BARHL2: variants seen among roughly 807,000 people sequenced by gnomAD.
BARHL2 encodes the protein barH-like 2 homeobox protein.
BARHL2 carries 10 observed loss-of-function variants against 27.1 expected under a neutral mutation model. That is an observed-to-expected ratio of 0.37 (90% CI 0.23 to 0.63). The LOEUF is 0.63. Ranked by LOEUF, BARHL2 falls within the 20% of genes least tolerant of loss-of-function variation. The pLI is 0.65. For synonymous variants in BARHL2, 248 were observed against 224.7 expected (o/e 1.10, Z -0.93); for missense variants, 483 against 533.5 (o/e 0.91, Z 0.93).
In BARHL2 at chr1:90,712,162, C is replaced by T; in HGVS notation, c.*150G>A. On this transcript the variant is annotated 3_prime_UTR_variant, in exon 3 of 3. Coordinates refer to ENST00000370445, the MANE Select transcript of BARHL2 (RefSeq NM_020063.2). ...GGCTCCTCTTTGGGGGTCCCCTGCC[C>T]ACTGGTAAGCATCTTCCTCTCTTAC... The T allele has an allele frequency of 8.4e-6, 7 of 833,662 alleles. No individual in the cohort carries two copies. The highest frequency in any genetic ancestry group is 1.2e-5 in the Non-Finnish European group (7 of 589,092). The allele number at this position is 833,662 out of a possible 1,614,324, so 51.6% of individuals were successfully genotyped here. A position where few individuals can be genotyped will look rare whatever the true frequency, so the allele number is the denominator to read the frequency against.
chr1:90,712,682 G>C (rs1161135822), intron 2 of BARHL2, 58 bp from the exon 3 acceptor site: 1 of 1,494,162 alleles, frequency 6.7e-7, no homozygotes, highest in Non-Finnish European at 9.0e-7. Context: ...CAGGCACCAA[G>C]ACCCGGCCCC....
Position 90,712,240 on chromosome 1 carries a change from G to T in BARHL2, c.*72C>A, listed in dbSNP as rs1406140076. 1 of 1,388,990 alleles carries T rather than the reference G, an allele frequency of 7.2e-7. No individual in the cohort carries two copies. The highest frequency in any genetic ancestry group is 2.6e-5 in the East Asian group (1 of 39,110). 86.0% of individuals were successfully genotyped at this position (1,388,990 alleles called of 1,614,324 possible). A position where few individuals can be genotyped will look rare whatever the true frequency, so the allele number is the denominator to read the frequency against. On this transcript the variant is annotated 3_prime_UTR_variant, in exon 3 of 3. Coordinates refer to ENST00000370445, the MANE Select transcript of BARHL2 (RefSeq NM_020063.2). ...GGGAGGCCTAGTGGCCTGGAGCAGG[G>T]AGAGGACGGGCAGCAGTCCGGGTTG...
rs1448551740 is a variant in BARHL2, at chr1:90,712,412, G to C, written c.1064C>G (p.Pro355Arg). The C allele has an allele frequency of 6.2e-7, 1 of 1,605,568 alleles. No homozygotes were observed. Among genetic ancestry groups the C allele is most frequent in the Non-Finnish European group, 8.5e-7 (1 of 1,175,600 alleles). The change falls in exon 3 of 3, where the codon CCC becomes CGC. Residue 355 changes from proline (P) to arginine (R), a missense_variant. Pro to Arg is a moderately radical substitution (Grantham distance 103, BLOSUM62 -2). Around this residue, in one of 3 missense-constraint regions of BARHL2, gnomAD observed 130 missense variants for 138.0 expected, o/e 0.94. Transcript: ENST00000370445. ...PPAPHPQLQRPLVPRVLIHGL... is the reference protein window; with the variant it reads ...PPAPHPQLQRRLVPRVLIHGL... ...GTGGATGAGCACACGGGGCACCAGG[G>C]GCCGCTGCAGCTGGGGATGGGGTGC...
chr1:90,714,346 C>G (rs758992316), intron 2 of BARHL2, among the ~76,000 whole-genome samples, 185 bp downstream of exon 2: 14 of 152,218 alleles, frequency 9.2e-5, no homozygotes, highest in Admixed American at 2.6e-4. Flanking sequence ...ATTCCAGCTG[C>G]CCTTTGGTCT....
intron 2 of BARHL2, among the ~76,000 whole-genome samples, chr1:90,713,939 G>T (rs941372974): frequency 6.6e-6 from 1 of 152,226 alleles, no homozygotes; most frequent in Non-Finnish European, 1.5e-5. Flanking sequence ...GCCAGCCGCC[G>T]ATTCTCCAGG....
chr1:90,712,753 C>T (rs1490250019), intron 2 of BARHL2, 129 bp from the exon 3 acceptor site: 2 of 948,434 alleles, frequency 2.1e-6, no homozygotes, highest in Non-Finnish European at 3.1e-6. Context: ...GACTCAGAGA[C>T]CTCTTCAAAC....
chr1:90,712,217 G>T lies in BARHL2; in HGVS notation c.*95C>A, dbSNP rs1658046271. On this transcript the variant is annotated 3_prime_UTR_variant, in exon 3 of 3. Coordinates refer to ENST00000370445, the MANE Select transcript of BARHL2 (RefSeq NM_020063.2). Reference sequence around the variant, plus strand: ...CTGCCTTCCAGAGTTGGCTGCAAGGGAGGCCTAGTGGCCTGGAGCAGGGAG... The same window carrying T: ...CTGCCTTCCAGAGTTGGCTGCAAGGTAGGCCTAGTGGCCTGGAGCAGGGAG... 2 of 1,280,438 alleles carry T rather than the reference G, an allele frequency of 1.6e-6. No homozygotes were observed. The highest frequency in any genetic ancestry group is 2.1e-6 in the Non-Finnish European group (2 of 972,582). The allele number at this position is 1,280,438 out of a possible 1,614,324, so 79.3% of individuals were successfully genotyped here. A position where few individuals can be genotyped will look rare whatever the true frequency, so the allele number is the denominator to read the frequency against.
At chr1:90,713,938 C>T (rs374465956) in intron 2 of BARHL2, among the ~76,000 whole-genome samples, 5 of 152,340 alleles carry the variant, frequency 3.3e-5, no homozygotes, top group South Asian at 2.1e-4. Flanking sequence ...GGCCAGCCGC[C>T]GATTCTCCAG....
chr1:90,712,258 C>A lies in BARHL2; in HGVS notation c.*54G>T, dbSNP rs1658047538. 2.1e-6 allele frequency: 3 copies of A among 1,412,210 alleles called. No homozygotes were observed. The African/African-American group carries it at 4.3e-5, about 20-fold the overall frequency. The allele number at this position is 1,412,210 out of a possible 1,614,324, so 87.5% of individuals were successfully genotyped here. On this transcript the variant is annotated 3_prime_UTR_variant, in exon 3 of 3. Transcript: ENST00000370445. ...GAGCAGGGAGAGGACGGGCAGCAGT[C>A]CGGGTTGGGCAGGGATATGGGGAAG...
chr1:90,712,747 C>T, intron 2 of BARHL2, 123 bp from the exon 3 acceptor site: 8 of 1,020,150 alleles, frequency 7.8e-6, no homozygotes, highest in Non-Finnish European at 1.1e-5. Context: ...CAGGAAGACT[C>T]AGAGACCTCT....
chr1:90,717,056 G>A lies in BARHL2; in HGVS notation c.140C>T (p.Ala47Val), dbSNP rs953110522. The change falls in exon 1 of 3, where the codon GCC becomes GTC. Residue 47 changes from alanine (A) to valine (V), a missense_variant. Around this residue, in one of 3 missense-constraint regions of BARHL2, gnomAD observed 304 missense variants for 284.9 expected, o/e 1.07. Transcript: ENST00000370445. Reference sequence around the variant, plus strand: ...AATCTCCGAACAGGGAGATGGGGTGGCCTGACTCCTAAAATCCGCGGTCCT... The same window carrying A: ...AATCTCCGAACAGGGAGATGGGGTGACCTGACTCCTAAAATCCGCGGTCCT... ...EARTADFRSQ[A>V]TPSPCSEIDT... 1 of 1,613,980 alleles carries A rather than the reference G, an allele frequency of 6.2e-7. No homozygotes were observed. The highest frequency in any genetic ancestry group is 1.1e-5 in the South Asian group (1 of 91,044).
At chr1:90,714,414 A>T in intron 2 of BARHL2, 117 bp downstream of exon 2, 1 of 1,000,752 alleles carries the variant, frequency 1.0e-6, no homozygotes, top group Non-Finnish European at 1.5e-6. Context: ...CCAAGTGCCC[A>T]CTCCAGGGTC....
Position 90,712,641 on chromosome 1 carries a change from G to T in BARHL2, c.852-17C>A. 1 of 1,586,730 alleles carries T rather than the reference G, an allele frequency of 6.3e-7. No individual in the cohort carries two copies. Among genetic ancestry groups the T allele is most frequent in the Non-Finnish European group, 8.6e-7 (1 of 1,163,558 alleles). ...CACTTGGTCCTGAAAGAAAGCGGGT[G>T]TGCAGGCACCCAGCAGCTGTGGGCA... On this transcript the variant is annotated splice_polypyrimidine_tract_variant and intron_variant, in intron 2 of 2. Coordinates refer to ENST00000370445, the MANE Select transcript of BARHL2 (RefSeq NM_020063.2).
chr1:90,716,477 C>T, intron 1 of BARHL2, 94 bp downstream of exon 1: 1 of 1,351,976 alleles, frequency 7.4e-7, no homozygotes, highest in Non-Finnish European at 1.1e-6. Context: ...CTCCTGGAAT[C>T]GCTCCCCAGC....
In BARHL2 at chr1:90,714,765, G is replaced by A; in HGVS notation, c.626-9C>T. 6.2e-7 allele frequency: 1 copy of A among 1,613,720 alleles called. No individual in the cohort carries two copies. Among genetic ancestry groups the A allele is most frequent in the Non-Finnish European group, 8.5e-7 (1 of 1,179,648 alleles). On this transcript the variant is annotated splice_polypyrimidine_tract_variant and intron_variant, in intron 1 of 2. Coordinates refer to ENST00000370445, the MANE Select transcript of BARHL2 (RefSeq NM_020063.2). ...TCCTTCCTCCTTTGTCCCTACCATA[G>A]AAACCCAGCCACGGTGGTAAGTTAG...
At position 90,714,086 on chromosome 1, in the gene BARHL2, A is replaced by G. The variant is rs542294146; in HGVS notation, c.851+445T>C. On this transcript the variant is annotated intron_variant, in intron 2 of 2. Transcript: ENST00000370445. ...ACATTTACGCCGAGGCTGGTGGGACAGCTCTGTGGGAATAGCAATAGCTGG... is the reference window on the plus strand; with the variant it reads ...ACATTTACGCCGAGGCTGGTGGGACGGCTCTGTGGGAATAGCAATAGCTGG... 3.3e-5 allele frequency among the ~76,000 whole-genome samples: 5 copies of G among 152,354 alleles called. No homozygotes were observed. The East Asian group carries it at 9.6e-4, about 29-fold the overall frequency.
In BARHL2 at chr1:90,712,091, T is replaced by C. The variant is rs977645588; in HGVS notation, c.*221A>G. The C allele has an allele frequency of 9.3e-6, 4 of 430,900 alleles. No individual in the cohort carries two copies. The Admixed American group carries it at 1.2e-4, about 13-fold the overall frequency. 26.7% of individuals were successfully genotyped at this position (430,900 alleles called of 1,614,324 possible). ...ACCAGTCACACTGCTGTGGGGGAGATTTCCAGCCCTGTTTCTAGGGGTGGG... is the reference window on the plus strand; with the variant it reads ...ACCAGTCACACTGCTGTGGGGGAGACTTCCAGCCCTGTTTCTAGGGGTGGG... On this transcript the variant is annotated 3_prime_UTR_variant, in exon 3 of 3. Transcript: ENST00000370445.
Position 90,717,228 on chromosome 1 carries a change from A to G in BARHL2, c.-33T>C. On this transcript the variant is annotated 5_prime_UTR_variant, in exon 1 of 3. Coordinates refer to ENST00000370445, the MANE Select transcript of BARHL2 (RefSeq NM_020063.2). ...TGAGGTCCACGCCACTCCGCCGTTC[A>G]GCAGCCGCCCCGAACCAGCGAAGAA... The G allele has an allele frequency of 6.3e-7, 1 of 1,590,890 alleles. No individual in the cohort carries two copies. Among genetic ancestry groups the G allele is most frequent in the South Asian group, 1.2e-5 (1 of 86,342 alleles).
At position 90,717,210 on chromosome 1, in the gene BARHL2, C is replaced by T. The variant is rs1238933747; in HGVS notation, c.-15G>A. ...TCCATTGTCATTGCTACATGAGGTC[C>T]ACGCCACTCCGCCGTTCAGCAGCCG... On this transcript the variant is annotated 5_prime_UTR_variant, in exon 1 of 3. Transcript: ENST00000370445. 4 of 1,605,654 alleles carry T rather than the reference C, an allele frequency of 2.5e-6. No homozygotes were observed. The highest frequency in any genetic ancestry group is 1.7e-4 in the Middle Eastern group (1 of 6,012).
Sources: gnomAD v4.1 joint callset for allele counts (sites outside exome capture counted in the v4.1 genomes callset) on GRCh38, gnomAD v4.1.1 for gene constraint, gnomAD v4.1.1 regional missense constraint, MANE v1.5 for transcripts, NCBI Gene and HGNC (gene_info 2026-07-23, HGNC 2026-07-21) for gene names.